LRRK1: variants seen among roughly 807,000 people sequenced by gnomAD.
The protein encoded by LRRK1 is leucine rich repeat kinase 1, also known as leucine-rich repeat serine/threonine-protein kinase 1.
In LRRK1, 113 loss-of-function variants were observed where a neutral mutation model predicts 209.1. The ratio of observed to expected loss-of-function variants is 0.54; its 90% CI spans 0.46 to 0.63. LRRK1 has a LOEUF of 0.63. LRRK1 is among the 30% of genes least tolerant of loss of function. The pLI is 0.00. For missense variants in LRRK1, 2,284 were observed against 2,632.2 expected (o/e 0.87, Z 2.89); for synonymous variants, 1,144 against 1,099.7 (o/e 1.04, Z -0.80).
chr15:100,973,894 G>T lies in LRRK1; in HGVS notation c.188G>T (p.Arg63Met). Residue 63 changes from arginine to methionine, a missense_variant, in exon 3 of 34, where the codon AGG becomes ATG. Arg to Met is a moderately conservative substitution (Grantham distance 91). Around this residue, in one of 6 missense-constraint regions of LRRK1, gnomAD observed 174 missense variants for 133.5 expected, o/e 1.30. Transcript: ENST00000388948. ...RRTEGIRAAY[R>M]RGDRGGARDL... ...ACGGAAGGCATCCGCGCCGCGTACA[G>T]GCGGGGAGACCGCGGCGGCGCCCGG... The T allele has an allele frequency of 7.9e-7, 1 of 1,272,116 alleles. No individual in the cohort carries two copies. Among genetic ancestry groups the T allele is most frequent in the African/African-American group, 1.5e-5 (1 of 64,718 alleles). 78.8% of individuals were successfully genotyped at this position (1,272,116 alleles called of 1,614,324 possible).
At chr15:100,958,116 A>G (rs1390780853) in intron 2 of LRRK1, among the ~76,000 whole-genome samples, 1 of 152,092 alleles carries the variant, frequency 6.6e-6, no homozygotes, top group Non-Finnish European at 1.5e-5. Flanking sequence ...TTAGCCTCCC[A>G]AAGTTCTGGG....
intron 20 of LRRK1, among the ~76,000 whole-genome samples, chr15:101,031,971 T>A (rs1182792205): frequency 6.6e-6 from 1 of 152,198 alleles, no homozygotes; most frequent in Non-Finnish European, 1.5e-5. Context: ...CCTGACCTCG[T>A]GATCCGCCTG....
chr15:100,973,750 G>C, intron 2 of LRRK1, 54 bp from the exon 3 acceptor site: 1 of 1,251,234 alleles, frequency 8.0e-7, no homozygotes, highest in Non-Finnish European at 1.0e-6. Flanking sequence ...TGATTCTCAA[G>C]AGCACGCGGG....
intron 20 of LRRK1, among the ~76,000 whole-genome samples, chr15:101,034,915 G>T (rs1337912906): frequency 6.6e-6 from 1 of 151,144 alleles, no homozygotes; most frequent in Non-Finnish European, 1.5e-5. Flanking sequence ...ATGATCTTTT[G>T]TATTTCGGTG....
At chr15:101,052,852 A>G in intron 24 of LRRK1, 70 bp from the exon 25 acceptor site, 1 of 1,528,456 alleles carries the variant, frequency 6.5e-7, no homozygotes, top group Non-Finnish European at 8.8e-7. Flanking sequence ...CGTTGGGGCA[A>G]ATGACCCAGC....
intron 3 of LRRK1, among the ~76,000 whole-genome samples, chr15:100,975,753 A>G (rs1312563363): frequency 6.6e-6 from 1 of 152,268 alleles, no homozygotes; most frequent in Non-Finnish European, 1.5e-5. Context: ...TCAATATGAA[A>G]TAATAACATA....
At chr15:101,050,250 T>A (rs1467856147) in intron 23 of LRRK1, among the ~76,000 whole-genome samples, 1 of 152,114 alleles carries the variant, frequency 6.6e-6, no homozygotes, top group African/African-American at 2.4e-5. Context: ...ACCCCACCCA[T>A]CCCGGCGGTG....
At chr15:101,010,388 T>C in intron 7 of LRRK1, 62 bp from the exon 8 acceptor site, 1 of 1,553,548 alleles carries the variant, frequency 6.4e-7, no homozygotes, top group Admixed American at 2.1e-5. Context: ...TATAGAAAAA[T>C]ATGTAAATTT....
At chr15:100,924,327 G>A (rs563359180) in intron 1 of LRRK1, among the ~76,000 whole-genome samples, 184 bp from the exon 2 acceptor site, 14 of 152,178 alleles carry the variant, frequency 9.2e-5, no homozygotes, top group Admixed American at 2.6e-4. Flanking sequence ...CCTGAGCCCC[G>A]CATCAAGATG....
At chr15:100,939,019 G>T (rs1442594658) in intron 2 of LRRK1, among the ~76,000 whole-genome samples, 1 of 152,198 alleles carries the variant, frequency 6.6e-6, no homozygotes, top group Admixed American at 6.5e-5. Flanking sequence ...CTTGAACCCA[G>T]GAGATGGACG....
rs79740405 is a variant in LRRK1, at chr15:101,057,767, C to A, written c.4528-223C>A. 5.6e-3 allele frequency among the ~76,000 whole-genome samples: 850 copies of A among 152,288 alleles called. 13 individuals carry two copies. Among genetic ancestry groups the A allele is most frequent in the African/African-American group, 0.019 (804 of 41,548 alleles). ...GTTGGAATACCCAGGGTTCAGCTAA[C>A]CTGACCAGATGAGCTTAAATTGCCG... On this transcript the variant is annotated intron_variant, in intron 28 of 33. Transcript: ENST00000388948.
chr15:101,022,650 G>C lies in LRRK1; in HGVS notation c.2067+53G>C. 2 of 1,293,442 alleles carry C rather than the reference G, an allele frequency of 1.5e-6. No individual in the cohort carries two copies. The highest frequency in any genetic ancestry group is 4.1e-5 in the Admixed American group (2 of 48,954). The allele number at this position is 1,293,442 out of a possible 1,614,324, so 80.1% of individuals were successfully genotyped here. On this transcript the variant is annotated intron_variant, in intron 15 of 33. Coordinates refer to ENST00000388948, the MANE Select transcript of LRRK1 (RefSeq NM_024652.6). This position sits in a 1 kb window ranked among gnomAD's most constrained non-coding sequence, Gnocchi z 4.0. ...CTGTGGGTGGGAGGAACATCCCTTG[G>C]ACTCCTTCTCCCTTCTCCCCAGAGA...
intron 2 of LRRK1, among the ~76,000 whole-genome samples, chr15:100,941,440 GTGTGTCTGTGTGTGTCTATGTCTC>G (rs2042427396): frequency 7.2e-6 from 1 of 138,838 alleles, no homozygotes; most frequent in East Asian, 2.0e-4. Flanking sequence ...GTGTGTGTGT[GTGTGTCTGTGTGTGTCTATGTCTC>G]TGTGTGTGTG....
intron 12 of LRRK1, among the ~76,000 whole-genome samples, chr15:101,018,705 C>A (rs974020390): frequency 6.6e-6 from 1 of 152,170 alleles, no homozygotes; most frequent in Non-Finnish European, 1.5e-5. Flanking sequence ...ATCTGGGGAG[C>A]CATGTGAGGG....
intron 3 of LRRK1, among the ~76,000 whole-genome samples, chr15:100,974,588 C>G (rs1360518911): frequency 1.3e-5 from 2 of 152,208 alleles, no homozygotes; most frequent in East Asian, 3.8e-4. Context: ...GACACTCCAT[C>G]TAGAGGGACC....
Position 100,973,860 on chromosome 15 carries a change from T to G in LRRK1, c.154T>G (p.Ser52Ala), listed in dbSNP as rs1360870166. 1.5e-5 allele frequency: 20 copies of G among 1,290,340 alleles called. No homozygotes were observed. Among genetic ancestry groups the G allele is most frequent in the South Asian group, 2.4e-5 (1 of 42,090 alleles). 79.9% of individuals were successfully genotyped at this position (1,290,340 alleles called of 1,614,324 possible). ...GCGGGGCGGTGACCCTGCAGCGCGG[T>G]CCCGCAGGACGGAAGGCATCCGCGC... is the stretch of plus-strand genomic sequence containing the variant. ...STRGGDPAAR[S>A]RRTEGIRAAY... The change falls in exon 3 of 34, where the codon TCC (serine) becomes GCC (alanine). Residue 52 changes from serine to alanine, a missense_variant. By Grantham distance (99) the Ser-to-Ala change is moderately conservative. Around this residue, in one of 6 missense-constraint regions of LRRK1, gnomAD observed 174 missense variants for 133.5 expected, o/e 1.30. Transcript: ENST00000388948.
intron 33 of LRRK1, among the ~76,000 whole-genome samples, chr15:101,068,468 T>C (rs1463583642): frequency 6.6e-6 from 1 of 152,156 alleles, no homozygotes; most frequent in African/African-American, 2.4e-5. Context: ...CAGCCCGTCT[T>C]TGGACTTTAT....
In LRRK1 at chr15:101,066,167, G is replaced by T; in HGVS notation, c.5730G>T (p.Val1910=). The T allele has an allele frequency of 6.2e-7, 1 of 1,613,016 alleles. No individual in the cohort carries two copies. The highest frequency in any genetic ancestry group is 1.7e-5 in the Admixed American group (1 of 60,004). The change falls in exon 32 of 34, where the codon GTG becomes GTT. Residue 1910 remains valine, a synonymous_variant. Transcript: ENST00000388948. Reference sequence around the variant, plus strand: ...CCTTCAGCCAGCACCTGCAGGCCGTGAAGATCCTCGCCGTCAGAGACCTCA... The same window carrying T: ...CCTTCAGCCAGCACCTGCAGGCCGTTAAGATCCTCGCCGTCAGAGACCTCA... ...GETFSQHLQA[V]KILAVRDLIW...
intron 2 of LRRK1, among the ~76,000 whole-genome samples, chr15:100,941,473 T>TGA (rs2042434689): frequency 6.6e-6 from 1 of 150,398 alleles, no homozygotes; most frequent in Admixed American, 6.6e-5. Flanking sequence ...TCTGTGTGTG[T>TGA]GTGTGTGTGT....
Sources: allele counts gnomAD v4.1 joint callset (sites outside exome capture counted in the v4.1 genomes callset), GRCh38; gene constraint gnomAD v4.1.1; regional missense constraint gnomAD v4.1.1; non-coding constraint Gnocchi (gnomAD v3.1); transcripts MANE v1.5; gene names NCBI Gene and HGNC (gene_info 2026-07-23, HGNC 2026-07-21).